Variants in CNTNAP4 observed in about 807,000 individuals in gnomAD.
CNTNAP4 encodes the protein contactin associated protein family member 4, also known as contactin-associated protein-like 4.
Under a neutral mutation model 148.4 loss-of-function variants are expected in CNTNAP4, and 98 were observed. The ratio of observed to expected loss-of-function variants is 0.66; its 90% CI spans 0.56 to 0.78. CNTNAP4 has a LOEUF of 0.78. Ranked by LOEUF, CNTNAP4 falls within the 30% of genes least tolerant of loss-of-function variation. The probability of loss-of-function intolerance (pLI) is 0.00; values close to 1 mark genes in which losing one functional copy is unlikely to be tolerated. For missense variants in CNTNAP4, 1,935 were observed against 1,565.6 expected, an observed-to-expected ratio of 1.24 and a Z score of -3.98; for synonymous variants, 730 against 565.1, an observed-to-expected ratio of 1.29 and a Z score of -4.14.
At chr16:76,347,317 A>C (rs1317631809) in intron 2 of CNTNAP4, among the ~76,000 whole-genome samples, 1 of 152,136 alleles carries the variant, frequency 6.6e-6, no homozygotes, top group Non-Finnish European at 1.5e-5. Context: ...ACGTGACTAC[A>C]ATTTTATTTC....
rs2081213681 is a variant in CNTNAP4, at chr16:76,467,436, G to A, written c.1568G>A (p.Gly523Asp). The A allele has an allele frequency of 3.1e-6, 5 of 1,613,654 alleles. No homozygotes were observed. Among genetic ancestry groups the A allele is most frequent in the Middle Eastern group, 1.6e-4 (1 of 6,084 alleles). The change falls in exon 10 of 24, where the codon GGC (glycine) becomes GAC (aspartate). Residue 523 changes from glycine (G) to aspartate (D), a missense_variant. Physicochemically the swap from Gly to Asp is moderately conservative, Grantham distance 94. Transcript: ENST00000611870. The part of the protein sequence containing the change: ...QGCMRLISIS[G>D]KVVDLISVQQ... ...TGTATGAGGCTCATTTCTATCAGCG[G>A]CAAAGTGGTAGATCTGATTTCAGTT...
chr16:76,340,727 G>A (rs1449677240), intron 2 of CNTNAP4, among the ~76,000 whole-genome samples: 3 of 152,182 alleles, frequency 2.0e-5, no homozygotes, highest in Non-Finnish European at 1.5e-5. Flanking sequence ...CACTTTCGTG[G>A]CGTTTGCCTG....
intron 23 of CNTNAP4, 50 bp downstream of exon 23, chr16:76,553,957 G>A: frequency 8.7e-7 from 1 of 1,143,552 alleles, no homozygotes. Flanking sequence ...TATTAATAAT[G>A]ATGATGAATA....
At chr16:76,324,592 A>G (rs938395274) in intron 2 of CNTNAP4, among the ~76,000 whole-genome samples, 19 of 152,164 alleles carry the variant, frequency 1.2e-4, no homozygotes, top group Admixed American at 7.9e-4. Flanking sequence ...TTTACCTTGG[A>G]CTTTGCCTTA....
At chr16:76,299,009 G>A (rs1959638316) in intron 1 of CNTNAP4, among the ~76,000 whole-genome samples, 1 of 152,108 alleles carries the variant, frequency 6.6e-6, no homozygotes, top group Admixed American at 6.6e-5. Context: ...ATGGATTAAA[G>A]ACTTAAATGT....
At chr16:76,449,230 C>CA (rs1437069156) in intron 6 of CNTNAP4, among the ~76,000 whole-genome samples, 1 of 151,852 alleles carries the variant, frequency 6.6e-6, no homozygotes, top group Non-Finnish European at 1.5e-5. Context: ...TCTTCTGCAC[C>CA]AAAAAAATCT....
At position 76,554,734 on chromosome 16, in the gene CNTNAP4, T is replaced by A. The variant is rs542053855; in HGVS notation, c.3733+827T>A. 2.6e-5 allele frequency among the ~76,000 whole-genome samples: 4 copies of A among 151,932 alleles called. No homozygotes were observed. The South Asian group carries it at 8.3e-4, about 32-fold the overall frequency. On this transcript the variant is annotated intron_variant, in intron 23 of 23. Coordinates refer to ENST00000611870, the MANE Select transcript of CNTNAP4 (RefSeq NM_033401.5). ...TTGCCAGGGAGATACAATTTTAAAG[T>A]TTTTGTGCCAGTAATATGATTATTC...
At chr16:76,469,912 G>A (rs572977328) in intron 10 of CNTNAP4, among the ~76,000 whole-genome samples, 144 of 152,132 alleles carry the variant, frequency 9.5e-4, no homozygotes, top group Admixed American at 2.9e-3. Flanking sequence ...CTCAGAAGAA[G>A]ATGTATATTT....
At chr16:76,460,500 G>A (rs1221316716) in intron 8 of CNTNAP4, among the ~76,000 whole-genome samples, 1 of 149,542 alleles carries the variant, frequency 6.7e-6, no homozygotes, top group Non-Finnish European at 1.5e-5. Flanking sequence ...GGTGGCTCAC[G>A]CCTGTAATCC....
At chr16:76,488,379 A>G (rs1194206254) in intron 12 of CNTNAP4, among the ~76,000 whole-genome samples, 2 of 152,194 alleles carry the variant, frequency 1.3e-5, no homozygotes. Context: ...GGGGAAATAC[A>G]AAAATAACAG....
intron 7 of CNTNAP4, among the ~76,000 whole-genome samples, chr16:76,450,248 C>G (rs1355142867): frequency 3.3e-5 from 5 of 152,088 alleles, no homozygotes; most frequent in African/African-American, 1.2e-4. Flanking sequence ...CTCCCAGATT[C>G]AAGCGATTCT....
intron 4 of CNTNAP4, among the ~76,000 whole-genome samples, chr16:76,434,977 A>G (rs189101043): frequency 3.9e-4 from 60 of 152,258 alleles, no homozygotes; most frequent in African/African-American, 1.3e-3. Flanking sequence ...CAACTCAGAG[A>G]CAGTGTCCAG....
intron 3 of CNTNAP4, among the ~76,000 whole-genome samples, chr16:76,356,800 T>G (rs1344583851): frequency 6.6e-6 from 1 of 152,118 alleles, no homozygotes; most frequent in African/African-American, 2.4e-5. Context: ...TTCATAGAAC[T>G]CCGTTATACA....
At chr16:76,333,182 C>T (rs185628981) in intron 2 of CNTNAP4, among the ~76,000 whole-genome samples, 2 of 152,266 alleles carry the variant, frequency 1.3e-5, no homozygotes, top group Admixed American at 1.3e-4. Context: ...CAGGTCAGGT[C>T]GTGCCATACC....
At chr16:76,490,365 C>T (rs969650527) in intron 13 of CNTNAP4, among the ~76,000 whole-genome samples, 10 of 152,180 alleles carry the variant, frequency 6.6e-5, no homozygotes, top group African/African-American at 2.4e-4. Flanking sequence ...ACAGTTGATT[C>T]ACTAGTTCAA....
chr16:76,502,868 A>G (rs1197135291), intron 15 of CNTNAP4, among the ~76,000 whole-genome samples: 1 of 152,064 alleles, frequency 6.6e-6, no homozygotes, highest in Non-Finnish European at 1.5e-5. Flanking sequence ...CACAAACGAG[A>G]GATATTGAAA....
intron 3 of CNTNAP4, among the ~76,000 whole-genome samples, chr16:76,382,100 C>G (rs13335546): frequency 0.015 from 2,186 of 146,042 alleles, 55 homozygotes; most frequent in African/African-American, 0.052. Flanking sequence ...AGAAAGTTAC[C>G]TTTATGATAA....
In CNTNAP4 at chr16:76,449,790, A is replaced by G; in HGVS notation, c.1003A>G (p.Asn335Asp). ...TAGAAATTTTCATGGATGTTTAGAA[A>G]ATCTCTATTATAATGGAGTGGATAT... ...PHRNFHGCLENLYYNGVDIID... is the reference protein window; with the variant it reads ...PHRNFHGCLEDLYYNGVDIID... The change falls in exon 7 of 24, where the codon AAT (asparagine) becomes GAT (aspartate). Residue 335 changes from asparagine (N) to aspartate (D), a missense_variant. Coordinates refer to ENST00000611870, the MANE Select transcript of CNTNAP4 (RefSeq NM_033401.5). 6.2e-7 allele frequency: 1 copy of G among 1,601,424 alleles called. No homozygotes were observed. The highest frequency in any genetic ancestry group is 1.7e-5 in the Admixed American group (1 of 58,404).
chr16:76,489,992 G>T (rs1440645463), intron 13 of CNTNAP4, 109 bp downstream of exon 13: 2 of 572,702 alleles, frequency 3.5e-6, no homozygotes, highest in Non-Finnish European at 2.9e-6. Context: ...GCCACTGAGG[G>T]TATATGATCT....
Sources: allele counts gnomAD v4.1 joint callset (sites outside exome capture counted in the v4.1 genomes callset), GRCh38; gene constraint gnomAD v4.1.1; transcripts MANE v1.5; gene names NCBI Gene and HGNC (gene_info 2026-07-23, HGNC 2026-07-21).